The following MAPK10 variants were observed in gnomAD, a reference collection of about 807,000 sequenced individuals.
MAPK10 encodes JNK3 alpha protein kinase.
In MAPK10, 25 loss-of-function variants were observed where a neutral mutation model predicts 59.3. That is an observed-to-expected ratio of 0.42 (90% CI 0.31 to 0.59). The LOEUF (loss-of-function observed/expected upper bound fraction) is 0.59, where lower values mean the gene tolerates loss of function less well. Ranked by LOEUF, MAPK10 falls within the 20% of genes least tolerant of loss-of-function variation. MAPK10 has a pLI of 0.15. For synonymous variants in MAPK10, 190 were observed against 200.5 expected, an observed-to-expected ratio of 0.95 and a Z score of 0.44; for missense variants, 351 against 568.9, an observed-to-expected ratio of 0.62 and a Z score of 3.90.
At chr4:86,355,663 C>A (rs566893914) in intron 1 of MAPK10, among the ~76,000 whole-genome samples, 21 of 152,078 alleles carry the variant, frequency 1.4e-4, no homozygotes, top group African/African-American at 5.1e-4. Context: ...TTTGGTGTGT[C>A]CCTATTGTGT....
Position 86,267,069 on chromosome 4 carries a change from A to G in MAPK10, c.-6-72662T>C, listed in dbSNP as rs534236223. ...GCACAAGCTTCTATGCTGACTGATT[A>G]GATGAAACTAATTAACAGGTGTGTT... On this transcript the variant is annotated intron_variant, in intron 2 of 13. Coordinates refer to ENST00000641462, the MANE Select transcript of MAPK10 (RefSeq NM_138982.4). Among the ~76,000 whole-genome samples, 5 of 152,324 alleles carry G rather than the reference A, an allele frequency of 3.3e-5. No homozygotes were observed. The South Asian group carries it at 8.3e-4, about 25-fold the overall frequency.
intron 11 of MAPK10, among the ~76,000 whole-genome samples, chr4:86,038,057 C>T (rs78642606): frequency 0.028 from 4,253 of 152,300 alleles, 190 homozygotes; most frequent in African/African-American, 0.097. Context: ...ACATCAAAGA[C>T]CTCTAAACAC....
intron 1 of MAPK10, among the ~76,000 whole-genome samples, chr4:86,369,910 T>C (rs1738494260): frequency 6.6e-6 from 1 of 152,182 alleles, no homozygotes; most frequent in African/African-American, 2.4e-5. Context: ...ACTGTCATAA[T>C]AGGGATAATA....
chr4:86,181,656 C>T (rs1191674684), intron 3 of MAPK10, among the ~76,000 whole-genome samples: 1 of 152,038 alleles, frequency 6.6e-6, no homozygotes, highest in Non-Finnish European at 1.5e-5. Context: ...TTCATTTTCC[C>T]TCTTTCATTG....
At chr4:86,334,086 AT>A (rs1176921850) in intron 2 of MAPK10, among the ~76,000 whole-genome samples, 12 of 152,126 alleles carry the variant, frequency 7.9e-5, no homozygotes, top group Admixed American at 1.3e-4. Context: ...CCTGCTGGAT[AT>A]TTCAAATTCA....
chr4:86,240,071 G>T (rs1294630919), intron 2 of MAPK10, among the ~76,000 whole-genome samples: 2 of 152,178 alleles, frequency 1.3e-5, no homozygotes, highest in East Asian at 3.8e-4. Flanking sequence ...TGGTTTCAAA[G>T]AACTTCTTGA....
intron 2 of MAPK10, among the ~76,000 whole-genome samples, chr4:86,297,192 T>C (rs1275981319): frequency 6.6e-6 from 1 of 152,236 alleles, no homozygotes; most frequent in Admixed American, 6.5e-5. Flanking sequence ...TAATTGAATG[T>C]TGTTAATTTG....
At chr4:86,031,478 TAACTA>T (rs1181999667) in intron 11 of MAPK10, 47 bp from the exon 12 acceptor site, 7 of 1,330,782 alleles carry the variant, frequency 5.3e-6, no homozygotes, top group Non-Finnish European at 7.6e-6. Flanking sequence ...AATGTAAACA[TAACTA>T]AACTCTTACA....
intron 1 of MAPK10, among the ~76,000 whole-genome samples, chr4:86,356,175 T>C (rs1734380505): frequency 6.6e-6 from 1 of 152,206 alleles, no homozygotes; most frequent in Non-Finnish European, 1.5e-5. Flanking sequence ...CTGCACACCA[T>C]GCAGGGTTTT....
At chr4:86,118,239 T>C (rs2058599629) in intron 4 of MAPK10, among the ~76,000 whole-genome samples, 1 of 152,254 alleles carries the variant, frequency 6.6e-6, no homozygotes, top group African/African-American at 2.4e-5. Context: ...GATTCATGTC[T>C]GAAAGTTTTC....
At chr4:86,363,902 C>A (rs369273517), upstream of MAPK10, among the ~76,000 whole-genome samples, 8 of 151,880 alleles carry the variant, frequency 5.3e-5, no homozygotes, top group South Asian at 2.1e-4. Flanking sequence ...CCCAGCTCAG[C>A]CTCCTGAGTA....
chr4:86,048,819 T>A (rs961843558), intron 11 of MAPK10, among the ~76,000 whole-genome samples: 2 of 152,156 alleles, frequency 1.3e-5, no homozygotes, highest in Non-Finnish European at 2.9e-5. Context: ...ATGTAATAAT[T>A]TTTTTAATTC....
At chr4:86,190,151 G>A (rs570522890) in intron 3 of MAPK10, among the ~76,000 whole-genome samples, 79 of 152,252 alleles carry the variant, frequency 5.2e-4, no homozygotes, top group Non-Finnish European at 8.8e-4. Flanking sequence ...TGGTTTGTCA[G>A]TATTTTATTG....
chr4:86,338,341 G>A (rs1722798584), intron 2 of MAPK10, among the ~76,000 whole-genome samples: 1 of 152,138 alleles, frequency 6.6e-6, no homozygotes, highest in Admixed American at 6.5e-5. Flanking sequence ...ACCCTTACCC[G>A]CTTCTGCAGA....
Position 86,124,266 on chromosome 4 carries a change from A to C in MAPK10, c.237-16914T>G, listed in dbSNP as rs375313761. ...TCCAAATAAATTGCAATATTCTACA[A>C]ATCAAAATAGAAGATAAAGGTGACA... On this transcript the variant is annotated intron_variant, in intron 4 of 13. Coordinates refer to ENST00000641462, the MANE Select transcript of MAPK10 (RefSeq NM_138982.4). 1.4e-4 allele frequency: 22 copies of C among 152,022 alleles called. No homozygotes were observed. In the East Asian group the frequency reaches 2.1e-3, roughly 15 times the overall value. 9.4% of individuals were successfully genotyped at this position (152,022 alleles called of 1,614,324 possible).
chr4:86,462,201 C>A (rs550201685), intron 1 of MAPK10, among the ~76,000 whole-genome samples: 1 of 152,266 alleles, frequency 6.6e-6, no homozygotes, highest in South Asian at 2.1e-4. Flanking sequence ...CCCTTGCCAG[C>A]GGGGATGATA....
At chr4:86,581,927 ATATATATAT>A (rs1173954378) in intron 1 of MAPK10, among the ~76,000 whole-genome samples, 3 of 131,330 alleles carry the variant, frequency 2.3e-5, no homozygotes, top group Non-Finnish European at 4.9e-5. Flanking sequence ...ATATATATAT[ATATATATAT>A]ATATATATAT....
chr4:86,231,424 G>A (rs2091513277), intron 2 of MAPK10, among the ~76,000 whole-genome samples: 1 of 152,068 alleles, frequency 6.6e-6, no homozygotes, highest in African/African-American at 2.4e-5. Flanking sequence ...GGGAGGTCGA[G>A]GAGGGCAGAT....
At chr4:86,311,911 T>A (rs146677003) in intron 2 of MAPK10, among the ~76,000 whole-genome samples, 1 of 152,176 alleles carries the variant, frequency 6.6e-6, no homozygotes, top group Non-Finnish European at 1.5e-5. Flanking sequence ...CTTTTATTAT[T>A]TTATAAAAGA....
Sources: gnomAD v4.1 joint callset for allele counts (sites outside exome capture counted in the v4.1 genomes callset) on GRCh38, gnomAD v4.1.1 for gene constraint, MANE v1.5 for transcripts, NCBI Gene and HGNC (gene_info 2026-07-23, HGNC 2026-07-21) for gene names.